SLC7A5: variants seen among roughly 807,000 people sequenced by gnomAD.
The protein encoded by SLC7A5 is solute carrier family 7 member 5, also known as large neutral amino acids transporter small subunit 1.
A neutral mutation model predicts 50.2 loss-of-function variants in SLC7A5; 23 were observed. That is an observed-to-expected ratio of 0.46 (90% CI 0.33 to 0.65). The LOEUF (loss-of-function observed/expected upper bound fraction) is 0.65, where lower values mean the gene tolerates loss of function less well. Among genes scored for constraint, SLC7A5 ranks in the 30% least tolerant of loss-of-function variants. SLC7A5 has a pLI of 0.02. For missense variants in SLC7A5, 578 were observed against 684.4 expected (o/e 0.84, Z 1.73); for synonymous variants, 393 against 330.6 (o/e 1.19, Z -2.05).
At chr16:87,859,091 T>C (rs1317548097) in intron 1 of SLC7A5, among the ~76,000 whole-genome samples, 2 of 152,112 alleles carry the variant, frequency 1.3e-5, no homozygotes, top group East Asian at 3.9e-4. Context: ...GGCTGGCCCC[T>C]CCCCTACCTG....
chr16:87,834,420 C>T lies in SLC7A5; in HGVS notation c.1462G>A (p.Gly488Ser). ...WKNKPKWLLQ[G>S]IFSTTVLCQK... ...GGGCCAGCGAGATACTCACAGATGC[C>T]CTGGAGGAGCCACTTGGGCTTGTTT... The change falls in exon 9 of 10, where the codon GGC becomes AGC. Residue 488 changes from glycine (G) to serine (S), a missense_variant. Physicochemically the swap from Gly to Ser is moderately conservative, Grantham distance 56 (BLOSUM62 0). Around this residue, in one of 2 missense-constraint regions of SLC7A5, gnomAD observed 465 missense variants for 594.6 expected, o/e 0.78. Transcript: ENST00000261622. The T allele has an allele frequency of 1.3e-6, 2 of 1,553,810 alleles. No individual in the cohort carries two copies. Among genetic ancestry groups the T allele is most frequent in the Non-Finnish European group, 8.7e-7 (1 of 1,148,278 alleles).
chr16:87,856,433 G>A (rs1486653018), intron 1 of SLC7A5, among the ~76,000 whole-genome samples: 2 of 152,198 alleles, frequency 1.3e-5, no homozygotes, highest in East Asian at 1.9e-4. Context: ...AGGGTGCACC[G>A]GGCACAGCAG....
chr16:87,852,655 T>C lies in SLC7A5; in HGVS notation c.539-806A>G, dbSNP rs141433085. Among the ~76,000 whole-genome samples the C allele has an allele frequency of 1.1e-3, 148 of 135,904 alleles. No individual in the cohort carries two copies. The highest frequency in any genetic ancestry group is 2.0e-3 in the Non-Finnish European group (116 of 57,696). The allele number at this position is 135,904 out of a possible 152,430, so 89.2% of individuals were successfully genotyped here. A position where few individuals can be genotyped will look rare whatever the true frequency, so the allele number is the denominator to read the frequency against. ...CTGAGCCTCTGTGTGTGTGTGTGTG[T>C]GTGTGTGTGTGTGTGTGTGTGTGTG... On this transcript the variant is annotated intron_variant, in intron 1 of 9. Transcript: ENST00000261622. The surrounding 1 kb of genome is among the most constrained non-coding windows in gnomAD (Gnocchi z 4.5).
Position 87,868,868 on chromosome 16 carries a change from C to G in SLC7A5, c.538+17G>C. ...AGACTACGACCTCCCAACCCCCGGC[C>G]CGCGCCCCGTACTCACGCACGCAGA... On this transcript the variant is annotated intron_variant, in intron 1 of 9. Transcript: ENST00000261622. 6.3e-7 allele frequency: 1 copy of G among 1,588,594 alleles called. No homozygotes were observed. Among genetic ancestry groups the G allele is most frequent in the African/African-American group, 1.3e-5 (1 of 74,520 alleles).
intron 6 of SLC7A5, 22 bp downstream of exon 6, chr16:87,838,692 T>C (rs2055043376): frequency 1.3e-6 from 2 of 1,582,136 alleles, no homozygotes; most frequent in Non-Finnish European, 1.7e-6. Context: ...CCCTCACCTG[T>C]GGTGGGTCGG....
chr16:87,867,303 C>G (rs541283170), intron 1 of SLC7A5, among the ~76,000 whole-genome samples: 5 of 152,306 alleles, frequency 3.3e-5, no homozygotes, highest in African/African-American at 1.2e-4. Context: ...CGACATGTAC[C>G]TAGGCGGGAG....
rs145081524 is a variant in SLC7A5 at position 87,836,499 on chromosome 16, T to C, written c.1289A>G (p.Lys430Arg). The stretch of plus-strand genomic sequence containing the variant: ...GTGAGCGGGAGGCCCCGGGCTCACC[T>C]TGATGGGCCGCTCAAGCTCAGGCTT... ...HRKPELERPI[K>R]VNLALPVFFI... Residue 430 changes from lysine (K) to arginine (R), a missense_variant and splice_region_variant, in exon 8 of 10, where the codon AAG becomes AGG. Lys to Arg is a conservative substitution (Grantham distance 26). Transcript: ENST00000261622. 1.2e-5 allele frequency: 20 copies of C among 1,610,508 alleles called. No individual in the cohort carries two copies. Among genetic ancestry groups the C allele is most frequent in the East Asian group, 2.2e-5 (1 of 44,886 alleles).
Position 87,837,607 on chromosome 16 carries a change from G to A in SLC7A5, c.1140+238C>T, listed in dbSNP as rs12445334. On this transcript the variant is annotated intron_variant, in intron 7 of 9. Coordinates refer to ENST00000261622, the MANE Select transcript of SLC7A5 (RefSeq NM_003486.7). ...AGAGCAGCACCCCGGGTCAGCTTCT[G>A]CCTCCCGCATTTCCGATGGTCTGAA... is the stretch of plus-strand genomic sequence containing the variant. 0.23 allele frequency: 122,110 copies of A among 522,200 alleles called. 16,172 individuals carry two copies. Among genetic ancestry groups the A allele is most frequent in the South Asian group, 0.42 (18,034 of 42,950 alleles). 32.3% of individuals were successfully genotyped at this position (522,200 alleles called of 1,614,324 possible).
intron 1 of SLC7A5, among the ~76,000 whole-genome samples, chr16:87,856,313 C>T (rs1457281500): frequency 1.3e-5 from 2 of 152,202 alleles, no homozygotes; most frequent in African/African-American, 4.8e-5. Flanking sequence ...AGCTGTGCAG[C>T]TTTATAGGCA....
In SLC7A5 at chr16:87,858,416, C is replaced by T. The variant is rs115626584; in HGVS notation, c.539-6567G>A. ...GTGCGGAGCCTCACACATCTGTGGT[C>T]CGGAAACCCACGCCCCACTCCAAAC... On this transcript the variant is annotated intron_variant, in intron 1 of 9. Coordinates refer to ENST00000261622, the MANE Select transcript of SLC7A5 (RefSeq NM_003486.7). 6.3e-3 allele frequency among the ~76,000 whole-genome samples: 952 copies of T among 152,228 alleles called. 8 individuals are homozygous for T. Among genetic ancestry groups the T allele is most frequent in the African/African-American group, 0.02 (833 of 41,528 alleles).
intron 1 of SLC7A5, among the ~76,000 whole-genome samples, chr16:87,863,817 T>C (rs1170385242): frequency 4.0e-5 from 6 of 151,442 alleles, no homozygotes; most frequent in Non-Finnish European, 7.4e-5. Flanking sequence ...TGTTCTCAAA[T>C]CTATACCCTC....
intron 2 of SLC7A5, among the ~76,000 whole-genome samples, chr16:87,848,896 T>C (rs539879839): frequency 1.9e-5 from 2 of 102,864 alleles, no homozygotes; most frequent in African/African-American, 1.0e-4. Context: ...ATTACAAACT[T>C]CCCTGACGAG....
At chr16:87,836,720 G>C in intron 7 of SLC7A5, 73 bp from the exon 8 acceptor site, 1 of 1,547,720 alleles carries the variant, frequency 6.5e-7, no homozygotes, top group South Asian at 1.1e-5. Flanking sequence ...GTGGCCACCG[G>C]GGACTGTCCA....
intron 1 of SLC7A5, among the ~76,000 whole-genome samples, chr16:87,854,716 G>A (rs117322866): frequency 0.037 from 5,606 of 152,366 alleles, 127 homozygotes; most frequent in South Asian, 0.071. Flanking sequence ...ACCCCGTGGC[G>A]TGGCTTGGCT....
At chr16:87,843,121 C>T (rs1462624396) in intron 2 of SLC7A5, among the ~76,000 whole-genome samples, 1 of 152,094 alleles carries the variant, frequency 6.6e-6, no homozygotes, top group Non-Finnish European at 1.5e-5. Flanking sequence ...GCCCCATTCA[C>T]TGTGACCACC....
chr16:87,858,766 G>A (rs2055352199), intron 1 of SLC7A5, among the ~76,000 whole-genome samples: 1 of 152,166 alleles, frequency 6.6e-6, no homozygotes, highest in South Asian at 2.1e-4. Flanking sequence ...CAACTCAACA[G>A]CAAGCGGAAG....
chr16:87,836,942 A>C, intron 7 of SLC7A5: 4 of 452,600 alleles, frequency 8.8e-6, no homozygotes, highest in Non-Finnish European at 1.2e-5. Flanking sequence ...CAGGTGAAGA[A>C]CACAGTGTAC....
At chr16:87,864,613 C>T (rs138284192) in intron 1 of SLC7A5, among the ~76,000 whole-genome samples, 3 of 152,348 alleles carry the variant, frequency 2.0e-5, no homozygotes, top group East Asian at 1.9e-4. Flanking sequence ...ACCCCTGACC[C>T]GGTGACAGAT....
intron 4 of SLC7A5, 99 bp downstream of exon 4, chr16:87,840,330 T>G (rs1471586120): frequency 2.7e-6 from 3 of 1,109,322 alleles, no homozygotes; most frequent in Middle Eastern, 2.0e-4. Flanking sequence ...GACTGTGAAC[T>G]GGCCTGAGCC....
Sources: allele counts gnomAD v4.1 joint callset (sites outside exome capture counted in the v4.1 genomes callset), GRCh38; gene constraint gnomAD v4.1.1; regional missense constraint gnomAD v4.1.1; non-coding constraint Gnocchi (gnomAD v3.1); transcripts MANE v1.5; gene names NCBI Gene and HGNC (gene_info 2026-07-23, HGNC 2026-07-21).